NEMF: variants seen among roughly 807,000 people sequenced by gnomAD.
The protein encoded by NEMF is nuclear export mediator factor, also known as ribosome quality control complex subunit NEMF.
Under a neutral mutation model 162.2 loss-of-function variants are expected in NEMF, and 89 were observed. The observed-to-expected ratio is 0.55, with a 90% CI of 0.46 to 0.65. NEMF has a LOEUF of 0.65. NEMF is among the 30% of genes least tolerant of loss of function. The probability of loss-of-function intolerance (pLI) is 0.00; values close to 1 mark genes in which losing one functional copy is unlikely to be tolerated. For synonymous variants in NEMF, 421 were observed against 404.5 expected, an observed-to-expected ratio of 1.04 and a Z score of -0.49; for missense variants, 1,133 against 1,261.9, an observed-to-expected ratio of 0.90 and a Z score of 1.55.
At chr14:49,798,346 C>A (rs1478156360) in intron 25 of NEMF, among the ~76,000 whole-genome samples, 2 of 152,210 alleles carry the variant, frequency 1.3e-5, no homozygotes, top group African/African-American at 4.8e-5. Flanking sequence ...ACCACTACAA[C>A]TGCCATCACT....
Position 49,829,271 on chromosome 14 carries a change from A to C in NEMF, c.1024-9T>G. 6.2e-7 allele frequency: 1 copy of C among 1,613,954 alleles called. No individual in the cohort carries two copies. The highest frequency in any genetic ancestry group is 8.5e-7 in the Non-Finnish European group (1 of 1,179,888). ...TTCAGTTTGTCTATTTCCTTAAAAA[A>C]CAAACCACACACATTTACTACATTG... is the stretch of plus-strand genomic sequence containing the variant. On this transcript the variant is annotated splice_polypyrimidine_tract_variant and intron_variant, in intron 12 of 32. Transcript: ENST00000298310.
intron 22 of NEMF, among the ~76,000 whole-genome samples, chr14:49,801,808 T>C (rs937953289): frequency 6.6e-6 from 1 of 152,180 alleles, no homozygotes; most frequent in African/African-American, 2.4e-5. Context: ...ATCTATCACT[T>C]GTAATTCCTA....
intron 4 of NEMF, among the ~76,000 whole-genome samples, chr14:49,845,016 G>T (rs1342060590): frequency 6.6e-6 from 1 of 151,890 alleles, no homozygotes; most frequent in East Asian, 1.9e-4. Flanking sequence ...TGATCCACTC[G>T]CCTTGGCCTC....
intron 15 of NEMF, among the ~76,000 whole-genome samples, chr14:49,826,425 C>T (rs981504599): frequency 2.0e-5 from 3 of 151,282 alleles, no homozygotes; most frequent in Non-Finnish European, 2.9e-5. Context: ...CAAGGAAACC[C>T]GATTTACACT....
At chr14:49,845,575 ATACTT>A (rs1354398766) in intron 4 of NEMF, among the ~76,000 whole-genome samples, 1 of 152,194 alleles carries the variant, frequency 6.6e-6, no homozygotes, top group African/African-American at 2.4e-5. Flanking sequence ...CAGCTGTACA[ATACTT>A]TCTTTCTTTA....
At chr14:49,849,444 C>T (rs937555424) in intron 3 of NEMF, among the ~76,000 whole-genome samples, 1 of 152,218 alleles carries the variant, frequency 6.6e-6, no homozygotes, top group Non-Finnish European at 1.5e-5. Flanking sequence ...AATGTGAATA[C>T]TGGAACAACC....
At chr14:49,795,217 GGT>G (rs1890635737) in intron 26 of NEMF, among the ~76,000 whole-genome samples, 1 of 151,884 alleles carries the variant, frequency 6.6e-6, no homozygotes, top group Non-Finnish European at 1.5e-5. Flanking sequence ...GCACCTGTGC[GGT>G]CCCAGCTACT....
chr14:49,806,907 C>T (rs1891243256), intron 18 of NEMF, among the ~76,000 whole-genome samples: 1 of 152,140 alleles, frequency 6.6e-6, no homozygotes, highest in Admixed American at 6.5e-5. Context: ...AAAATTCACC[C>T]CTTTAAAGTA....
At chr14:49,836,468 A>G (rs1342554318) in intron 6 of NEMF, among the ~76,000 whole-genome samples, 1 of 152,098 alleles carries the variant, frequency 6.6e-6, no homozygotes, top group East Asian at 1.9e-4. Flanking sequence ...CCTGGACAAC[A>G]TGGTAAAACC....
intron 18 of NEMF, among the ~76,000 whole-genome samples, chr14:49,806,641 T>G (rs976882727): frequency 8.3e-5 from 12 of 144,224 alleles, no homozygotes; most frequent in African/African-American, 3.0e-4. Flanking sequence ...AATGTATTTT[T>G]AATACTCCTA....
At position 49,783,167 on chromosome 14, in the gene NEMF, T is replaced by C. The variant is rs1230328421; in HGVS notation, c.*1469A>G. On this transcript the variant is annotated 3_prime_UTR_variant, in exon 33 of 33. Coordinates refer to ENST00000298310, the MANE Select transcript of NEMF (RefSeq NM_004713.6). The stretch of plus-strand genomic sequence containing the variant: ...GCTGTCCTCTATTAAAGTAAAGTAA[T>C]GGTTGGGCTTTTTACCCTGAAGAAT... 2 of 369,940 alleles carry C rather than the reference T, an allele frequency of 5.4e-6. No homozygotes were observed. Among genetic ancestry groups the C allele is most frequent in the Non-Finnish European group, 9.5e-6 (2 of 209,766 alleles). 22.9% of individuals were successfully genotyped at this position (369,940 alleles called of 1,614,324 possible). A position where few individuals can be genotyped will look rare whatever the true frequency, so the allele number is the denominator to read the frequency against.
rs199731904 is a variant in NEMF at position 49,827,525 on chromosome 14, A to AT, written c.1488+765dup. 4.3e-3 allele frequency among the ~76,000 whole-genome samples: 651 copies of AT among 151,338 alleles called. 3 individuals are homozygous for AT. Among genetic ancestry groups the AT allele is most frequent in the Non-Finnish European group, 6.5e-3 (442 of 67,830 alleles). On this transcript the variant is annotated intron_variant, in intron 15 of 32. Coordinates refer to ENST00000298310, the MANE Select transcript of NEMF (RefSeq NM_004713.6). ...CAAAAGGATCACAACGGGGCTAGGC[A>AT]TGGTGGCTCACACCTGTAATCCCAG... is the stretch of plus-strand genomic sequence containing the variant.
rs1166856685 is a variant in NEMF at position 49,817,274 on chromosome 14, C to T, written c.1578-2417G>A. Among the ~76,000 whole-genome samples, 4 of 152,214 alleles carry T rather than the reference C, an allele frequency of 2.6e-5. No homozygotes were observed. In the East Asian group the frequency reaches 7.7e-4, roughly 29 times the overall value. ...CCTGGCCAACATGATGAAACCTCAT[C>T]TCTAATAAAAATAGAAAAATTAGCC... On this transcript the variant is annotated intron_variant, in intron 16 of 32. Transcript: ENST00000298310.
chr14:49,796,383 G>A, intron 25 of NEMF: 1 of 431,824 alleles, frequency 2.3e-6, no homozygotes, highest in Admixed American at 2.5e-5. Context: ...TTATTACTGT[G>A]GTATTCTTCT....
chr14:49,785,096 T>C lies in NEMF; in HGVS notation c.3069A>G (p.Gly1023=). 1 of 1,606,254 alleles carries C rather than the reference T, an allele frequency of 6.2e-7. No homozygotes were observed. The highest frequency in any genetic ancestry group is 1.1e-5 in the South Asian group (1 of 90,928). ...CAAAAAAACAAATTTAAATACCTTT[T>C]CCCTTTTTCTGCACTCCAGGAGTAA... ...VKLTPGVQKK[G]KAAKTALNSF... The change falls in exon 31 of 33, where the codon GGA becomes GGG. Residue 1023 remains glycine (G), a synonymous_variant. Coordinates refer to ENST00000298310, the MANE Select transcript of NEMF (RefSeq NM_004713.6).
intron 16 of NEMF, among the ~76,000 whole-genome samples, chr14:49,821,691 C>G (rs1373991080): frequency 7.7e-5 from 8 of 104,046 alleles, no homozygotes; most frequent in East Asian, 2.9e-4. Context: ...AGGTGGGGGG[C>G]TCAGCCCCCC....
Position 49,782,924 on chromosome 14 carries a change from T to C in NEMF, c.*1712A>G. ...CTTACTTCACAGTGTTAATCAGAGGTTTGGTAGTAACAACACTTCTGGATC... is the reference window on the plus strand; with the variant it reads ...CTTACTTCACAGTGTTAATCAGAGGCTTGGTAGTAACAACACTTCTGGATC... On this transcript the variant is annotated 3_prime_UTR_variant, in exon 33 of 33. Coordinates refer to ENST00000298310, the MANE Select transcript of NEMF (RefSeq NM_004713.6). 6.2e-7 allele frequency: 1 copy of C among 1,613,600 alleles called. No individual in the cohort carries two copies. Among genetic ancestry groups the C allele is most frequent in the Non-Finnish European group, 8.5e-7 (1 of 1,179,778 alleles).
chr14:49,800,738 C>T, intron 22 of NEMF, 42 bp from the exon 23 acceptor site: 1 of 1,556,418 alleles, frequency 6.4e-7, no homozygotes, highest in South Asian at 1.2e-5. Flanking sequence ...GGACTACCAA[C>T]CAAGCCAGGT....
intron 26 of NEMF, among the ~76,000 whole-genome samples, chr14:49,792,164 C>G (rs1009808626): frequency 1.3e-5 from 2 of 151,646 alleles, no homozygotes; most frequent in African/African-American, 4.8e-5. Flanking sequence ...AGTCTCCTCA[C>G]AAAACCCAAA....
Sources: allele counts gnomAD v4.1 joint callset (sites outside exome capture counted in the v4.1 genomes callset), GRCh38; gene constraint gnomAD v4.1.1; transcripts MANE v1.5; gene names NCBI Gene and HGNC (gene_info 2026-07-23, HGNC 2026-07-21).